Variants in UBE2W observed in about 807,000 individuals in gnomAD.
UBE2W encodes the protein ubiquitin-conjugating enzyme E2 W.
A neutral mutation model predicts 27.2 loss-of-function variants in UBE2W; 18 were observed. That is an observed-to-expected ratio of 0.66 (90% CI 0.46 to 0.98). The LOEUF is 0.98. UBE2W is among the 50% of genes least tolerant of loss of function. UBE2W has a pLI of 0.00. For synonymous variants in UBE2W, 53 were observed against 57.2 expected (o/e 0.93, Z 0.33); for missense variants, 90 against 180.2 (o/e 0.50, Z 2.87).
At chr8:73,862,203 G>A (rs1468167656) in intron 1 of UBE2W, among the ~76,000 whole-genome samples, 3 of 152,194 alleles carry the variant, frequency 2.0e-5, no homozygotes, top group African/African-American at 7.2e-5. Context: ...GCCAAGACGG[G>A]CAGATCATGT....
intron 5 of UBE2W, among the ~76,000 whole-genome samples, chr8:73,800,895 C>A (rs2130855961): frequency 6.6e-6 from 1 of 152,222 alleles, no homozygotes; most frequent in African/African-American, 2.4e-5. Flanking sequence ...GAGTTCAAGA[C>A]CAGCCTGACC....
At chr8:73,780,174 A>T (rs968402936) in exon 5 of UBE2W, 1 of 161,992 alleles carries the variant, frequency 6.2e-6, no homozygotes, top group Admixed American at 6.2e-5. Flanking sequence ...CAGCAGAATC[A>T]TGTTCTCTCC....
At chr8:73,833,318 G>A (rs1293579922) in intron 1 of UBE2W, among the ~76,000 whole-genome samples, 2 of 150,386 alleles carry the variant, frequency 1.3e-5, no homozygotes, top group African/African-American at 4.9e-5. Flanking sequence ...TTTATGCCTT[G>A]TGACGAGAAT....
chr8:73,867,708 T>C (rs1321913738), intron 1 of UBE2W, among the ~76,000 whole-genome samples: 1 of 91,342 alleles, frequency 1.1e-5, no homozygotes, highest in Non-Finnish European at 2.2e-5. Flanking sequence ...TGAGGCTCTG[T>C]CTCAGAAAAA....
In UBE2W at chr8:73,825,262, A is replaced by G; in HGVS notation, c.108-13T>C. 6.5e-7 allele frequency: 1 copy of G among 1,533,898 alleles called. No homozygotes were observed. Among genetic ancestry groups the G allele is most frequent in the East Asian group, 2.4e-5 (1 of 41,628 alleles). On this transcript the variant is annotated splice_polypyrimidine_tract_variant and intron_variant, in intron 2 of 5. Coordinates refer to ENST00000602593, the MANE Select transcript of UBE2W (RefSeq NM_018299.6). ...GTCTACAATCCACCTAGAATAGAAAAGGCAAATTAAAAACTTAAGATAATA... is the reference window on the plus strand; with the variant it reads ...GTCTACAATCCACCTAGAATAGAAAGGGCAAATTAAAAACTTAAGATAATA...
downstream of UBE2W, among the ~76,000 whole-genome samples, chr8:73,783,159 A>G (rs1022386720): frequency 1.3e-5 from 2 of 152,206 alleles, no homozygotes; most frequent in African/African-American, 2.4e-5. Context: ...TTATAAATAT[A>G]TCCTTTATCA....
At chr8:73,850,725 TAAAAAAAAAAAAA>T (rs11318665) in intron 1 of UBE2W, among the ~76,000 whole-genome samples, 9 of 63,588 alleles carry the variant, frequency 1.4e-4, no homozygotes, top group South Asian at 6.4e-4. Flanking sequence ...AGCAGGACAT[TAAAAAAAAAAAAA>T]AAAAAAAAAA....
downstream of UBE2W, among the ~76,000 whole-genome samples, chr8:73,784,265 T>C (rs1807896518): frequency 6.6e-6 from 1 of 152,182 alleles, no homozygotes; most frequent in African/African-American, 2.4e-5. Flanking sequence ...CAGCACTCTG[T>C]GATTACCCCA....
At chr8:73,824,282 A>G (rs1328744531) in intron 3 of UBE2W, among the ~76,000 whole-genome samples, 1 of 152,220 alleles carries the variant, frequency 6.6e-6, no homozygotes, top group Non-Finnish European at 1.5e-5. Context: ...TACCACCATT[A>G]TCCCTTGTCT....
intron 1 of UBE2W, among the ~76,000 whole-genome samples, chr8:73,833,432 G>A (rs568998539): frequency 1.3e-5 from 2 of 151,898 alleles, no homozygotes; most frequent in East Asian, 1.9e-4. Flanking sequence ...ATGATCACCT[G>A]CACAGTTTAA....
chr8:73,844,516 G>A (rs550573264), intron 1 of UBE2W, among the ~76,000 whole-genome samples: 4 of 152,330 alleles, frequency 2.6e-5, no homozygotes, highest in Admixed American at 1.3e-4. Context: ...CCTCCCAGCC[G>A]TCTGCCTTGG....
chr8:73,791,202 T>C lies in UBE2W; in HGVS notation c.*2900A>G. 1.0e-6 allele frequency: 1 copy of C among 983,532 alleles called. No individual in the cohort carries two copies. Among genetic ancestry groups the C allele is most frequent in the Non-Finnish European group, 1.2e-6 (1 of 829,112 alleles). The allele number at this position is 983,532 out of a possible 1,614,324, so 60.9% of individuals were successfully genotyped here. On this transcript the variant is annotated 3_prime_UTR_variant, in exon 6 of 6. Coordinates refer to ENST00000602593, the MANE Select transcript of UBE2W (RefSeq NM_018299.6). ...AACCATAAAATGTATTTTTAAAAAA[T>C]TCTCTTAAAAACTGAAAACAATCCT...
intron 1 of UBE2W, among the ~76,000 whole-genome samples, chr8:73,872,840 G>A (rs1812055640): frequency 6.6e-6 from 1 of 150,714 alleles, no homozygotes; most frequent in Non-Finnish European, 1.5e-5. Context: ...GTATACTTGT[G>A]TACTGAGTAA....
Position 73,788,885 on chromosome 8 carries a change from G to A in UBE2W, c.*5217C>T. ...CCATATTAAAACTGGAGTTCTTGAG[G>A]TATGTTAAGATAGATCAGCTTCTAT... On this transcript the variant is annotated 3_prime_UTR_variant, in exon 6 of 6. Transcript: ENST00000602593. 1.0e-6 allele frequency: 1 copy of A among 985,146 alleles called. No homozygotes were observed. Among genetic ancestry groups the A allele is most frequent in the African/African-American group, 1.7e-5 (1 of 57,260 alleles). The allele number at this position is 985,146 out of a possible 1,614,324, so 61.0% of individuals were successfully genotyped here. A position where few individuals can be genotyped will look rare whatever the true frequency, so the allele number is the denominator to read the frequency against.
chr8:73,875,506 A>C (rs564299560), intron 1 of UBE2W, among the ~76,000 whole-genome samples: 1 of 151,988 alleles, frequency 6.6e-6, no homozygotes, highest in African/African-American at 2.4e-5. Flanking sequence ...TTACCAAGTA[A>C]TGAAATCCCA....
rs891248922 is a variant in UBE2W at position 73,787,506 on chromosome 8, G to A, written c.*6596C>T. ...ATCTACTAACATAGTTGTGTAGGAC[G>A]GCAGGAACAGCTTGAGACATGATCG... On this transcript the variant is annotated 3_prime_UTR_variant, in exon 6 of 6. Transcript: ENST00000602593. The A allele has an allele frequency of 2.2e-5, 22 of 985,194 alleles. No homozygotes were observed. The highest frequency in any genetic ancestry group is 1.2e-4 in the African/African-American group (7 of 57,188). 61.0% of individuals were successfully genotyped at this position (985,194 alleles called of 1,614,324 possible). A position where few individuals can be genotyped will look rare whatever the true frequency, so the allele number is the denominator to read the frequency against.
At chr8:73,830,107 TAAAC>T (rs1223924859) in intron 2 of UBE2W, among the ~76,000 whole-genome samples, 2 of 152,156 alleles carry the variant, frequency 1.3e-5, no homozygotes. Context: ...AATCACTTCA[TAAAC>T]AAAGTCAGTG....
In UBE2W at chr8:73,789,065, C is replaced by G. The variant is rs866407096; in HGVS notation, c.*5037G>C. The stretch of plus-strand genomic sequence containing the variant: ...AAAATTAAAATTACAATTAACATCT[C>G]ACCAGGATCAAAGAACCCTAACTTC... On this transcript the variant is annotated 3_prime_UTR_variant, in exon 6 of 6. Coordinates refer to ENST00000602593, the MANE Select transcript of UBE2W (RefSeq NM_018299.6). 3.0e-6 allele frequency: 3 copies of G among 985,054 alleles called. No homozygotes were observed. Among genetic ancestry groups the G allele is most frequent in the African/African-American group, 1.7e-5 (1 of 57,168 alleles). 61.0% of individuals were successfully genotyped at this position (985,054 alleles called of 1,614,324 possible). A position where few individuals can be genotyped will look rare whatever the true frequency, so the allele number is the denominator to read the frequency against.
intron 1 of UBE2W, among the ~76,000 whole-genome samples, chr8:73,877,323 T>G (rs1161464130): frequency 6.6e-6 from 1 of 152,330 alleles, no homozygotes; most frequent in East Asian, 1.9e-4. Flanking sequence ...TAGTGTAAAG[T>G]ATAATGTTTC....
Sources: allele counts gnomAD v4.1 joint callset (sites outside exome capture counted in the v4.1 genomes callset), GRCh38; gene constraint gnomAD v4.1.1; transcripts MANE v1.5; gene names NCBI Gene and HGNC (gene_info 2026-07-23, HGNC 2026-07-21).